Variants in ZNF536 observed in about 807,000 individuals in gnomAD.
The protein encoded by ZNF536 is zinc finger protein 536.
A neutral mutation model predicts 84.5 loss-of-function variants in ZNF536; 13 were observed. That is an observed-to-expected ratio of 0.15 (90% CI 0.10 to 0.24). The LOEUF is 0.24. ZNF536 is among the 10% of genes least tolerant of loss of function. The pLI is 1.00. For synonymous variants in ZNF536, 811 were observed against 742.5 expected (o/e 1.09, Z -1.50); for missense variants, 1,536 against 1,747.5 (o/e 0.88, Z 2.16).
chr19:30,327,024 G>A (rs765972489), intron 2 of ZNF536, among the ~76,000 whole-genome samples: 5 of 151,856 alleles, frequency 3.3e-5, no homozygotes, highest in Non-Finnish European at 7.4e-5. Flanking sequence ...TGATTTGGGT[G>A]TTGTTGCTTC....
At chr19:30,330,930 A>G (rs1317609775) in intron 2 of ZNF536, among the ~76,000 whole-genome samples, 1 of 152,162 alleles carries the variant, frequency 6.6e-6, no homozygotes, top group Non-Finnish European at 1.5e-5. Context: ...ATTGAGGACT[A>G]GAGGTTTCAG....
At chr19:30,631,175 C>A (rs539018508) in intron 1 of ZNF536, among the ~76,000 whole-genome samples, 2 of 152,346 alleles carry the variant, frequency 1.3e-5, no homozygotes, top group South Asian at 4.1e-4. Flanking sequence ...CGGCCCTCCC[C>A]TCCCTGGCCA....
chr19:30,502,726 C>T (rs371423780), intron 2 of ZNF536, among the ~76,000 whole-genome samples: 3 of 152,106 alleles, frequency 2.0e-5, no homozygotes, highest in Admixed American at 6.5e-5. Flanking sequence ...ATAAGCTGTC[C>T]GCAGAGTTCT....
intron 1 of ZNF536, among the ~76,000 whole-genome samples, chr19:30,646,828 G>T (rs531857391): frequency 6.6e-6 from 1 of 152,098 alleles, no homozygotes; most frequent in Non-Finnish European, 1.5e-5. Flanking sequence ...ACGTTTGGGC[G>T]CATTTCCGAA....
At position 30,445,442 on chromosome 19, in the gene ZNF536, A is replaced by G. The variant is rs2148224851; in HGVS notation, c.1880A>G (p.Lys627Arg). The G allele has an allele frequency of 1.2e-6, 2 of 1,614,154 alleles. No individual in the cohort carries two copies. Among genetic ancestry groups the G allele is most frequent in the Non-Finnish European group, 8.5e-7 (1 of 1,180,036 alleles). The change falls in exon 2 of 5, where the codon AAG becomes AGG. Residue 627 changes from lysine (K) to arginine (R), a missense_variant. This residue lies in a region of ZNF536 where 366 missense variants were observed against 364.4 expected (regional missense o/e 1.00). Transcript: ENST00000355537. The surrounding 1 kb of genome is among the most constrained non-coding windows in gnomAD (Gnocchi z 4.5). ...EYNLQGPGNMKEKPTECPDCG... is the reference protein window; with the variant it reads ...EYNLQGPGNMREKPTECPDCG... Reference sequence around the variant, plus strand: ...AACCTGCAGGGTCCTGGGAACATGAAGGAGAAGCCCACCGAGTGCCCCGAC... The same window carrying G: ...AACCTGCAGGGTCCTGGGAACATGAGGGAGAAGCCCACCGAGTGCCCCGAC...
chr19:30,617,333 C>CTTTTTTTTTTTTTT lies in ZNF536; in HGVS notation c.169+67839_169+67852dup, dbSNP rs556835599. ...GAGTCCACCATATCTGAATAGCTTA[C>CTTTTTTTTTTTTTT]TTTTTTTTTTTTTTTTTTTTTTTTT... On this transcript the variant is annotated intron_variant, in intron 1 of 1. Coordinates refer to the ZNF536 transcript ENST00000592773. Among the ~76,000 whole-genome samples, 146 of 37,702 alleles carry CTTTTTTTTTTTTTT rather than the reference C, an allele frequency of 3.9e-3. 47 individuals carry two copies. Among genetic ancestry groups the CTTTTTTTTTTTTTT allele is most frequent in the Non-Finnish European group, 6.4e-3 (108 of 16,964 alleles). The allele number at this position is 37,702 out of a possible 152,430, so 24.7% of individuals were successfully genotyped here.
intron 2 of ZNF536, among the ~76,000 whole-genome samples, chr19:30,500,540 C>T (rs1424728649): frequency 6.6e-6 from 1 of 151,672 alleles, no homozygotes; most frequent in Non-Finnish European, 1.5e-5. Context: ...CTCTCAGCAG[C>T]ATGCTGTGGG....
intron 1 of ZNF536, among the ~76,000 whole-genome samples, chr19:30,605,712 A>T (rs941561698): frequency 2.4e-4 from 37 of 152,112 alleles, no homozygotes; most frequent in Admixed American, 1.5e-3. Flanking sequence ...CAGGAGTGGG[A>T]TTCCTGGATC....
chr19:30,340,285 T>G (rs1331485346), intron 2 of ZNF536, among the ~76,000 whole-genome samples: 4 of 152,136 alleles, frequency 2.6e-5, no homozygotes, highest in African/African-American at 9.7e-5. Flanking sequence ...CTGTCATTCC[T>G]CAGAGGTGGT....
chr19:30,600,126 T>C (rs1467167938), intron 1 of ZNF536, among the ~76,000 whole-genome samples: 1 of 147,860 alleles, frequency 6.8e-6, no homozygotes, highest in Admixed American at 6.8e-5. Context: ...GTTTCTCTCG[T>C]CTGTTGCCCA....
chr19:30,569,225 C>T (rs1405863839), intron 1 of ZNF536, among the ~76,000 whole-genome samples: 1 of 151,948 alleles, frequency 6.6e-6, no homozygotes, highest in Non-Finnish European at 1.5e-5. Context: ...AGGTATATAT[C>T]ACGTAATAAA....
intron 2 of ZNF536, among the ~76,000 whole-genome samples, chr19:30,448,104 T>C (rs191907449): frequency 1.3e-4 from 20 of 152,346 alleles, no homozygotes; most frequent in African/African-American, 4.8e-4. Context: ...CTCACTTTTA[T>C]TTCCCCTCAT....
At chr19:30,485,197 TA>T (rs917933537) in intron 2 of ZNF536, among the ~76,000 whole-genome samples, 61 of 150,798 alleles carry the variant, frequency 4.0e-4, no homozygotes, top group African/African-American at 1.4e-3. Flanking sequence ...TAAAATAAAA[TA>T]AAAAAAGGAA....
At chr19:30,618,196 C>T (rs2048368309) in intron 1 of ZNF536, among the ~76,000 whole-genome samples, 1 of 152,070 alleles carries the variant, frequency 6.6e-6, no homozygotes, top group South Asian at 2.1e-4. Context: ...GTGTATAATG[C>T]CCCACTTAGG....
intron 1 of ZNF536, among the ~76,000 whole-genome samples, chr19:30,644,330 T>A (rs548893968): frequency 6.6e-6 from 1 of 152,298 alleles, no homozygotes; most frequent in East Asian, 1.9e-4. Context: ...GTCTCCAGAG[T>A]TAAAATGGAG....
At chr19:30,676,253 G>C (rs1336814558) in intron 1 of ZNF536, among the ~76,000 whole-genome samples, 1 of 152,196 alleles carries the variant, frequency 6.6e-6, no homozygotes, top group Non-Finnish European at 1.5e-5. Context: ...CATGGGAAAT[G>C]ATTTCCTTGC....
intron 2 of ZNF536, among the ~76,000 whole-genome samples, chr19:30,289,518 T>C (rs2045761522): frequency 6.6e-6 from 1 of 152,224 alleles, no homozygotes; most frequent in Admixed American, 6.5e-5. Context: ...CGTGCTTTCC[T>C]GCACATGTGC....
At chr19:30,492,344 T>C (rs186126591) in intron 2 of ZNF536, among the ~76,000 whole-genome samples, 1 of 152,316 alleles carries the variant, frequency 6.6e-6, no homozygotes, top group East Asian at 1.9e-4. Context: ...TGATCTTTGT[T>C]AGCACTACAA....
chr19:30,231,046 G>A (rs2023002013), intron 1 of ZNF536, among the ~76,000 whole-genome samples: 1 of 152,004 alleles, frequency 6.6e-6, no homozygotes, highest in Non-Finnish European at 1.5e-5. Flanking sequence ...GCTGAATGAG[G>A]ACAATTATAG....
Sources: gnomAD v4.1 joint callset for allele counts (sites outside exome capture counted in the v4.1 genomes callset) on GRCh38, gnomAD v4.1.1 for gene constraint, gnomAD v4.1.1 regional missense constraint, Gnocchi (gnomAD v3.1) non-coding constraint, MANE v1.5 for transcripts, NCBI Gene and HGNC (gene_info 2026-07-23, HGNC 2026-07-21) for gene names.